The following CREB5 variants were observed in gnomAD, a reference collection of about 807,000 sequenced individuals.
CREB5 encodes the protein cyclic AMP-responsive element-binding protein 5.
CREB5 carries 19 observed loss-of-function variants against 57.1 expected under a neutral mutation model. The ratio of observed to expected loss-of-function variants is 0.33; its 90% CI spans 0.23 to 0.49. The LOEUF (loss-of-function observed/expected upper bound fraction) is 0.49, where lower values mean the gene tolerates loss of function less well. Among genes scored for constraint, CREB5 ranks in the 20% least tolerant of loss-of-function variants. The pLI is 0.99. For synonymous variants in CREB5, 238 were observed against 238.3 expected (o/e 1.00, Z 0.01); for missense variants, 579 against 671.6 (o/e 0.86, Z 1.52).
chr7:28,549,238 A>T (rs972933221), intron 4 of CREB5, among the ~76,000 whole-genome samples: 16 of 152,240 alleles, frequency 1.1e-4, no homozygotes, highest in Non-Finnish European at 2.4e-4. Flanking sequence ...GTATGATCTA[A>T]TGTTGAAATG....
At position 28,804,298 on chromosome 7, in the gene CREB5, C is replaced by A; in HGVS notation, c.802C>A (p.Gln268Lys). The change falls in exon 8 of 11, where the codon CAG becomes AAG. Residue 268 changes from glutamine (Q) to lysine (K), a missense_variant. Gln to Lys is a moderately conservative substitution (Grantham distance 53, BLOSUM62 1). Around this residue, in one of 3 missense-constraint regions of CREB5, gnomAD observed 459 missense variants for 515.7 expected, o/e 0.89. Coordinates refer to ENST00000357727, the MANE Select transcript of CREB5 (RefSeq NM_182898.4). ...GGAGATGATGGGCTCCCGGCAGGAC[C>A]AGACGCCACACCATCACATGCACTC... is the stretch of plus-strand genomic sequence containing the variant. ...MMEMMGSRQDQTPHHHMHSHP... is the reference protein window; with the variant it reads ...MMEMMGSRQDKTPHHHMHSHP... 6.2e-7 allele frequency: 1 copy of A among 1,614,030 alleles called. No homozygotes were observed. Among genetic ancestry groups the A allele is most frequent in the Non-Finnish European group, 8.5e-7 (1 of 1,179,986 alleles).
In CREB5 at chr7:28,724,347, T is replaced by C. The variant is rs371434116; in HGVS notation, c.702+15T>C. 2.5e-6 allele frequency: 4 copies of C among 1,588,450 alleles called. No individual in the cohort carries two copies. Among genetic ancestry groups the C allele is most frequent in the Non-Finnish European group, 3.5e-6 (4 of 1,157,280 alleles). On this transcript the variant is annotated intron_variant, in intron 7 of 10. Coordinates refer to ENST00000357727, the MANE Select transcript of CREB5 (RefSeq NM_182898.4). ...AAGCCAAAATGGTAAGTAACAGTTA[T>C]AATCACCCTTTCATTATTCTGTGAC...
chr7:28,719,197 T>C (rs749831339), intron 6 of CREB5, among the ~76,000 whole-genome samples: 17 of 152,226 alleles, frequency 1.1e-4, no homozygotes, highest in African/African-American at 2.9e-4. Context: ...GTTTGGGCTG[T>C]ATACAGAGTG....
At chr7:28,417,330 C>CTTTACATT (rs1025194043) in intron 1 of CREB5, among the ~76,000 whole-genome samples, 2 of 150,754 alleles carry the variant, frequency 1.3e-5, no homozygotes, top group African/African-American at 4.9e-5. Context: ...TAATGTACTA[C>CTTTACATT]TTTACATTCT....
rs866206611 is a variant in CREB5 at position 28,672,039 on chromosome 7, T to G, written c.465-46714T>G. On this transcript the variant is annotated intron_variant, in intron 5 of 10. Transcript: ENST00000357727. ...TTAAAAAGATTAAAATGGTAAATTT[T>G]GTTGTTACGTATATTTTACTACAAT... is the stretch of plus-strand genomic sequence containing the variant. Among the ~76,000 whole-genome samples, 13 of 152,286 alleles carry G rather than the reference T, an allele frequency of 8.5e-5. No individual in the cohort carries two copies. The South Asian group carries it at 2.7e-3, about 32-fold the overall frequency.
intron 1 of CREB5, among the ~76,000 whole-genome samples, chr7:28,365,848 C>A (rs1786575957): frequency 1.3e-5 from 2 of 152,106 alleles, no homozygotes; most frequent in Admixed American, 6.5e-5. Context: ...ACTCATATAG[C>A]ACCTATAAAA....
At chr7:28,402,382 G>A (rs535776854) in intron 1 of CREB5, among the ~76,000 whole-genome samples, 24 of 152,242 alleles carry the variant, frequency 1.6e-4, no homozygotes, top group Admixed American at 1.0e-3. Flanking sequence ...TAAGCCAAAG[G>A]AACAAAGCTG....
At position 28,649,550 on chromosome 7, in the gene CREB5, A is replaced by G. The variant is rs145981450; in HGVS notation, c.465-69203A>G. Among the ~76,000 whole-genome samples the G allele has an allele frequency of 7.9e-5, 12 of 152,296 alleles. No homozygotes were observed. The East Asian group carries it at 2.3e-3, about 29-fold the overall frequency. On this transcript the variant is annotated intron_variant, in intron 5 of 10. Transcript: ENST00000357727. The stretch of plus-strand genomic sequence containing the variant: ...GTGCCAACCTCTGACCTTGCAGATG[A>G]CATATAGTATGGGTCATACTCCAAG...
Position 28,553,146 on chromosome 7 carries a change from A to G in CREB5, c.292-17219A>G, listed in dbSNP as rs1794735937. Reference sequence around the variant, plus strand: ...CTTCATCCTACTTCTATGCAGCTTCAGTTAATTTCTAAATTCCCCAGCACT... The same window carrying G: ...CTTCATCCTACTTCTATGCAGCTTCGGTTAATTTCTAAATTCCCCAGCACT... On this transcript the variant is annotated intron_variant, in intron 4 of 10. Transcript: ENST00000357727. 2.0e-5 allele frequency among the ~76,000 whole-genome samples: 3 copies of G among 152,228 alleles called. No homozygotes were observed. In the South Asian group the frequency reaches 6.2e-4, roughly 32 times the overall value.
At chr7:28,815,337 T>C (rs1809371632) in intron 9 of CREB5, among the ~76,000 whole-genome samples, 1 of 152,168 alleles carries the variant, frequency 6.6e-6, no homozygotes, top group African/African-American at 2.4e-5. Flanking sequence ...TGATGGTCAG[T>C]TGTCTCAATA....
chr7:28,497,088 A>C (rs1035142779), intron 3 of CREB5, among the ~76,000 whole-genome samples: 2 of 152,200 alleles, frequency 1.3e-5, no homozygotes, highest in African/African-American at 4.8e-5. Flanking sequence ...GGATCCCTCA[A>C]ATAAGCTGCC....
intron 5 of CREB5, among the ~76,000 whole-genome samples, chr7:28,661,407 T>G (rs908439193): frequency 2.0e-5 from 3 of 152,156 alleles, no homozygotes; most frequent in Admixed American, 6.5e-5. Flanking sequence ...ATATTCTCTC[T>G]CTCATTTCTC....
intron 1 of CREB5, among the ~76,000 whole-genome samples, chr7:28,453,260 A>T (rs1260225125): frequency 6.6e-6 from 1 of 152,118 alleles, no homozygotes; most frequent in Middle Eastern, 3.2e-3. Flanking sequence ...CAACATAATA[A>T]GACCCCATCT....
At chr7:28,401,738 G>C (rs1319142586) in intron 1 of CREB5, among the ~76,000 whole-genome samples, 1 of 152,186 alleles carries the variant, frequency 6.6e-6, no homozygotes, top group East Asian at 1.9e-4. Flanking sequence ...CAAAGGACAT[G>C]AACTCATCCT....
chr7:28,599,722 G>GTGTTTTGTTT (rs891765794), intron 5 of CREB5, among the ~76,000 whole-genome samples: 9 of 148,392 alleles, frequency 6.1e-5, no homozygotes, highest in African/African-American at 2.3e-4. Flanking sequence ...GGAGACCCAG[G>GTGTTTTGTTT]TGTTTTGTTT....
rs11403343 is a variant in CREB5, at chr7:28,788,830, T to TAA, written c.703-15355_703-15354dup. On this transcript the variant is annotated intron_variant, in intron 7 of 10. Coordinates refer to ENST00000357727, the MANE Select transcript of CREB5 (RefSeq NM_182898.4). ...GCCAGGTTAAAACCCTCTTCTGGTT[T>TAA]AAAAAAAAAAAAAAAGCCATGGAAC... Among the ~76,000 whole-genome samples, 520 of 137,094 alleles carry TAA rather than the reference T, an allele frequency of 3.8e-3. 3 individuals carry two copies. The highest frequency in any genetic ancestry group is 0.012 in the African/African-American group (432 of 37,314). 89.9% of individuals were successfully genotyped at this position (137,094 alleles called of 152,430 possible).
At chr7:28,438,340 G>A (rs1038628473) in intron 1 of CREB5, among the ~76,000 whole-genome samples, 2 of 152,124 alleles carry the variant, frequency 1.3e-5, no homozygotes, top group Non-Finnish European at 2.9e-5. Context: ...ATGGGAATGA[G>A]AGTGTGGACT....
chr7:28,473,345 C>T (rs982557142), intron 1 of CREB5, among the ~76,000 whole-genome samples: 10 of 152,148 alleles, frequency 6.6e-5, no homozygotes, highest in African/African-American at 2.4e-4. Context: ...AAAAAGCTTC[C>T]TTGTGCACCT....
intron 1 of CREB5, among the ~76,000 whole-genome samples, chr7:28,389,387 C>T (rs1035788219): frequency 3.3e-5 from 5 of 152,130 alleles, no homozygotes; most frequent in African/African-American, 1.2e-4. Flanking sequence ...CAACTACGTG[C>T]ACAAACACAC....
Sources: gnomAD v4.1 joint callset for allele counts (sites outside exome capture counted in the v4.1 genomes callset) on GRCh38, gnomAD v4.1.1 for gene constraint, gnomAD v4.1.1 regional missense constraint, MANE v1.5 for transcripts, NCBI Gene and HGNC (gene_info 2026-07-23, HGNC 2026-07-21) for gene names.